Variants in SGCD observed in about 807,000 individuals in gnomAD.
SGCD encodes delta-sarcoglycan.
A neutral mutation model predicts 36.6 loss-of-function variants in SGCD; 18 were observed. That is an observed-to-expected ratio of 0.49 (90% confidence interval 0.34 to 0.73). SGCD has a LOEUF of 0.73. Ranked by LOEUF, SGCD falls within the 30% of genes least tolerant of loss-of-function variation. SGCD has a pLI of 0.01. For missense variants in SGCD, 387 were observed against 346.7 expected, an observed-to-expected ratio of 1.12 and a Z score of -0.92; for synonymous variants, 133 against 130.6, an observed-to-expected ratio of 1.02 and a Z score of -0.12.
chr5:156,335,519 C>T (rs768073935), intron 2 of SGCD, among the ~76,000 whole-genome samples: 6 of 152,166 alleles, frequency 3.9e-5, no homozygotes, highest in African/African-American at 1.2e-4. Flanking sequence ...AGTCCAGATT[C>T]GTTTCCAAGT....
At chr5:155,787,593 G>C in the SGCD span, among the ~76,000 whole-genome samples, 1 of 152,138 alleles carries the variant, frequency 6.6e-6, no homozygotes, top group African/African-American at 2.4e-5. Context: ...CTTTGGGGGA[G>C]TGTTGTGGTT....
intron 3 of SGCD, among the ~76,000 whole-genome samples, chr5:156,352,962 A>G (rs1276747204): frequency 1.3e-5 from 2 of 152,348 alleles, no homozygotes; most frequent in Admixed American, 6.5e-5. Context: ...GTTCAGTGCA[A>G]TGTCTAAAAC....
the SGCD span, among the ~76,000 whole-genome samples, chr5:155,806,741 GA>G: frequency 2.6e-4 from 39 of 152,196 alleles, no homozygotes; most frequent in Non-Finnish European, 1.3e-4. Context: ...TAAATACTTT[GA>G]ATCAGAAAAG....
intron 3 of SGCD, among the ~76,000 whole-genome samples, chr5:156,295,823 T>C (rs1256786683): frequency 6.6e-6 from 1 of 152,180 alleles, no homozygotes; most frequent in Non-Finnish European, 1.5e-5. Context: ...AAGAGAGGCC[T>C]GATGAGGAAA....
At chr5:156,615,527 T>G (rs1370610117) in intron 6 of SGCD, among the ~76,000 whole-genome samples, 1 of 152,214 alleles carries the variant, frequency 6.6e-6, no homozygotes, top group African/African-American at 2.4e-5. Flanking sequence ...GCTTTTGAAT[T>G]TGATGAAACT....
At chr5:156,584,431 A>G (rs1418850621) in intron 4 of SGCD, among the ~76,000 whole-genome samples, 1 of 152,194 alleles carries the variant, frequency 6.6e-6, no homozygotes, top group African/African-American at 2.4e-5. Flanking sequence ...ACCAGGGGCT[A>G]CCTGCTCAGC....
chr5:156,172,174 C>G (rs1266060005), intron 3 of SGCD, among the ~76,000 whole-genome samples: 1 of 152,172 alleles, frequency 6.6e-6, no homozygotes, highest in African/African-American at 2.4e-5. Flanking sequence ...ATCCAAGCTA[C>G]TCCGGAGGCT....
chr5:155,770,055 T>C, the SGCD span, among the ~76,000 whole-genome samples: 1 of 152,126 alleles, frequency 6.6e-6, no homozygotes, highest in Admixed American at 6.6e-5. Context: ...GTGATTGTAC[T>C]ACTCTCCTTT....
chr5:155,833,184 C>T, the SGCD span, among the ~76,000 whole-genome samples: 5 of 151,160 alleles, frequency 3.3e-5, no homozygotes, highest in African/African-American at 7.3e-5. Context: ...GAGCTGAGAT[C>T]GCACCAGTAC....
chr5:155,772,450 C>T, the SGCD span, among the ~76,000 whole-genome samples: 1 of 152,104 alleles, frequency 6.6e-6, no homozygotes, highest in Non-Finnish European at 1.5e-5. Flanking sequence ...GTCAGAGGGA[C>T]ATAGGGATTG....
At chr5:155,975,349 T>G (rs1442353458) in intron 1 of SGCD, among the ~76,000 whole-genome samples, 1 of 152,084 alleles carries the variant, frequency 6.6e-6, no homozygotes, top group African/African-American at 2.4e-5. Flanking sequence ...TTTGGCAGTA[T>G]CTGGAGACTT....
chr5:156,678,456 T>C (rs966836568), intron 7 of SGCD, among the ~76,000 whole-genome samples: 4 of 152,216 alleles, frequency 2.6e-5, no homozygotes, highest in African/African-American at 9.6e-5. Context: ...AAAAAAATCA[T>C]GGAAGGTTTT....
At chr5:156,273,517 C>T (rs543445704) in intron 3 of SGCD, among the ~76,000 whole-genome samples, 2 of 152,176 alleles carry the variant, frequency 1.3e-5, no homozygotes, top group East Asian at 1.9e-4. Flanking sequence ...ACTTTCTAAT[C>T]GGGCTCTGCT....
intron 2 of SGCD, among the ~76,000 whole-genome samples, chr5:156,330,591 G>A (rs975684420): frequency 7.2e-5 from 11 of 152,024 alleles, no homozygotes; most frequent in Admixed American, 1.3e-4. Context: ...ATCTTTTCCT[G>A]CACTCTTTCT....
intron 4 of SGCD, among the ~76,000 whole-genome samples, chr5:156,533,721 A>G (rs1757981130): frequency 6.6e-6 from 1 of 152,212 alleles, no homozygotes; most frequent in Admixed American, 6.5e-5. Context: ...AATTTATTAT[A>G]TATAAGGATG....
the SGCD span, among the ~76,000 whole-genome samples, chr5:155,746,343 C>T: frequency 6.6e-6 from 1 of 151,972 alleles, no homozygotes; most frequent in Admixed American, 6.6e-5. Flanking sequence ...AATAAGAGTA[C>T]AGTCCAGCCA....
At chr5:156,611,240 T>A (rs916029099) in intron 6 of SGCD, among the ~76,000 whole-genome samples, 4 of 152,240 alleles carry the variant, frequency 2.6e-5, no homozygotes, top group African/African-American at 9.6e-5. Flanking sequence ...CTGTGTTTCA[T>A]GATAGTTGTT....
intron 3 of SGCD, among the ~76,000 whole-genome samples, chr5:156,255,723 A>G (rs889104108): frequency 1.3e-5 from 2 of 152,064 alleles, no homozygotes; most frequent in Non-Finnish European, 2.9e-5. Flanking sequence ...TTCATTCATA[A>G]TCGTTCTTAT....
chr5:156,757,121 C>CAA (rs1757364246), intron 7 of SGCD, among the ~76,000 whole-genome samples: 1 of 151,932 alleles, frequency 6.6e-6, no homozygotes, highest in African/African-American at 2.4e-5. Context: ...GGCTTCACTC[C>CAA]AAGCATGTCA....
Sources: allele counts gnomAD v4.1 joint callset (sites outside exome capture counted in the v4.1 genomes callset), GRCh38; gene constraint gnomAD v4.1.1; transcripts MANE v1.5; gene names NCBI Gene and HGNC (gene_info 2026-07-23, HGNC 2026-07-21).